CADM2: variants seen among roughly 807,000 people sequenced by gnomAD.
CADM2 encodes cell adhesion molecule 2.
Under a neutral mutation model 49.8 loss-of-function variants are expected in CADM2, and 12 were observed. The ratio of observed to expected loss-of-function variants is 0.24; its 90% confidence interval spans 0.15 to 0.39. The LOEUF is 0.39. CADM2 is among the 10% of genes least tolerant of loss of function. CADM2 has a pLI of 1.00. For synonymous variants in CADM2, 214 were observed against 175.4 expected (o/e 1.22, Z -1.74); for missense variants, 378 against 492.3 (o/e 0.77, Z 2.20).
At chr3:85,345,252 T>C (rs1279461299) in intron 1 of CADM2, among the ~76,000 whole-genome samples, 4 of 121,650 alleles carry the variant, frequency 3.3e-5, no homozygotes, top group Non-Finnish European at 6.3e-5. Context: ...AGGCAGAGGC[T>C]GCAATGAGCT....
chr3:85,048,914 A>G (rs1235593222), intron 1 of CADM2, among the ~76,000 whole-genome samples: 1 of 152,198 alleles, frequency 6.6e-6, no homozygotes, highest in African/African-American at 2.4e-5. Context: ...AAGAAGTAGT[A>G]TTCAGAGGGA....
chr3:85,099,657 AC>A (rs2037937507), intron 1 of CADM2, among the ~76,000 whole-genome samples: 1 of 152,008 alleles, frequency 6.6e-6, no homozygotes, highest in Non-Finnish European at 1.5e-5. Context: ...TTTAGTGGAG[AC>A]GGGGTTTCAC....
chr3:85,438,546 T>C (rs1199073216), intron 1 of CADM2, among the ~76,000 whole-genome samples: 1 of 152,202 alleles, frequency 6.6e-6, no homozygotes, highest in Non-Finnish European at 1.5e-5. Flanking sequence ...TTTGGTACCA[T>C]ATTTGTGAAA....
chr3:85,804,759 A>G (rs1393867916), intron 3 of CADM2, among the ~76,000 whole-genome samples: 2 of 152,292 alleles, frequency 1.3e-5, no homozygotes, highest in East Asian at 1.9e-4. Flanking sequence ...GAAAACAGAG[A>G]GCAACTTGCC....
At chr3:85,551,728 G>A (rs1433387632) in intron 1 of CADM2, among the ~76,000 whole-genome samples, 1 of 151,984 alleles carries the variant, frequency 6.6e-6, no homozygotes, top group African/African-American at 2.4e-5. Flanking sequence ...ATCCTTTTTC[G>A]AGTACCTTAT....
At chr3:85,761,290 AT>A (rs1159594021) in intron 2 of CADM2, among the ~76,000 whole-genome samples, 1 of 152,024 alleles carries the variant, frequency 6.6e-6, no homozygotes, top group Admixed American at 6.6e-5. Context: ...TAAAGCAAAA[AT>A]ATGTATATAT....
rs188620550 is a variant in CADM2 at position 85,867,933 on chromosome 3, G to A, written c.239-15358G>A. ...ATTTTAAAATGAGATCTTAGGCCAC[G>A]TTTCTTGCTAAAACACAGTCTAAAC... is the stretch of plus-strand genomic sequence containing the variant. On this transcript the variant is annotated intron_variant, in intron 3 of 9. Transcript: ENST00000383699. Among the ~76,000 whole-genome samples the A allele has an allele frequency of 2.7e-3, 417 of 151,968 alleles. 1 individual carries two copies. The highest frequency in any genetic ancestry group is 3.8e-3 in the Non-Finnish European group (259 of 67,858).
chr3:85,796,724 T>C (rs1194359487), intron 2 of CADM2, among the ~76,000 whole-genome samples: 1 of 152,146 alleles, frequency 6.6e-6, no homozygotes, highest in Non-Finnish European at 1.5e-5. Flanking sequence ...AATAAGATTT[T>C]TTTTTCCAGT....
At chr3:85,728,245 C>T (rs532950252) in intron 2 of CADM2, among the ~76,000 whole-genome samples, 1 of 152,224 alleles carries the variant, frequency 6.6e-6, no homozygotes, top group Admixed American at 6.5e-5. Context: ...CAATTTAGTG[C>T]CTTCCACACT....
chr3:85,046,599 A>T (rs2035665108), intron 1 of CADM2, among the ~76,000 whole-genome samples: 1 of 152,024 alleles, frequency 6.6e-6, no homozygotes, highest in Non-Finnish European at 1.5e-5. Context: ...GATTTTACTA[A>T]GAACTATAAT....
intron 1 of CADM2, among the ~76,000 whole-genome samples, chr3:85,647,920 TTTGA>T (rs925320231): frequency 1.2e-3 from 176 of 152,024 alleles, no homozygotes; most frequent in African/African-American, 4.2e-3. Flanking sequence ...CCTTTCTGGG[TTTGA>T]TTAAGTCTCC....
At chr3:85,416,944 G>T (rs1194421961) in intron 1 of CADM2, among the ~76,000 whole-genome samples, 2 of 151,844 alleles carry the variant, frequency 1.3e-5, no homozygotes, top group Non-Finnish European at 2.9e-5. Flanking sequence ...CTTTATTTTT[G>T]ACTATCTCAG....
chr3:85,997,532 T>G (rs1729580428), intron 8 of CADM2, among the ~76,000 whole-genome samples: 1 of 152,128 alleles, frequency 6.6e-6, no homozygotes, highest in Non-Finnish European at 1.5e-5. Flanking sequence ...TATAAGACAA[T>G]GTCAAATAAA....
chr3:85,755,986 A>T (rs912276723), intron 2 of CADM2, among the ~76,000 whole-genome samples: 1 of 152,138 alleles, frequency 6.6e-6, no homozygotes, highest in Non-Finnish European at 1.5e-5. Flanking sequence ...ACCTCTAATC[A>T]CTTGGCAAGC....
intron 1 of CADM2, among the ~76,000 whole-genome samples, chr3:85,393,089 T>TAAA (rs781046665): frequency 0.52 from 66,254 of 127,150 alleles, 18,443 homozygotes; most frequent in East Asian, 0.81. Context: ...GTAAACTCTT[T>TAAA]AAAAAAAAAA....
chr3:85,845,342 G>A (rs1336547872), intron 3 of CADM2, among the ~76,000 whole-genome samples: 1 of 152,080 alleles, frequency 6.6e-6, no homozygotes, highest in Non-Finnish European at 1.5e-5. Context: ...TCAGTCAGGA[G>A]TCAGATGACC....
intron 1 of CADM2, among the ~76,000 whole-genome samples, chr3:85,684,473 A>T (rs1440067037): frequency 2.6e-5 from 4 of 152,120 alleles, no homozygotes; most frequent in African/African-American, 7.2e-5. Context: ...AGAGGGAGAG[A>T]CTTAGGTGGG....
chr3:85,915,940 C>T (rs1205079789), intron 6 of CADM2, among the ~76,000 whole-genome samples: 1 of 151,852 alleles, frequency 6.6e-6, no homozygotes, highest in Admixed American at 6.6e-5. Flanking sequence ...ATTGTAGAAA[C>T]CTAAGTTTGG....
intron 1 of CADM2, among the ~76,000 whole-genome samples, chr3:85,638,537 C>T (rs2064591897): frequency 2.0e-5 from 3 of 152,048 alleles, no homozygotes; most frequent in Non-Finnish European, 4.4e-5. Flanking sequence ...AAGAAATTCA[C>T]ATAATGTTGA....
Sources: gnomAD v4.1 joint callset for allele counts (sites outside exome capture counted in the v4.1 genomes callset) on GRCh38, gnomAD v4.1.1 for gene constraint, MANE v1.5 for transcripts, NCBI Gene and HGNC (gene_info 2026-07-23, HGNC 2026-07-21) for gene names.